The following RAB27A variants were observed in gnomAD, a reference collection of about 807,000 sequenced individuals.
The protein encoded by RAB27A is RAB27A, member RAS oncogene family.
RAB27A carries 17 observed loss-of-function variants against 20.8 expected under a neutral mutation model. The observed-to-expected ratio is 0.82, with a 90% confidence interval of 0.56 to 1.23. The LOEUF is 1.23. Ranked by LOEUF, RAB27A falls within the 50% of genes most tolerant of loss-of-function variation. RAB27A has a pLI of 0.00. For missense variants in RAB27A, 277 were observed against 266.7 expected (o/e 1.04, Z -0.27); for synonymous variants, 85 against 92.8 (o/e 0.92, Z 0.48).
intron 2 of RAB27A, among the ~76,000 whole-genome samples, chr15:55,241,027 G>A (rs1030392439): frequency 6.6e-6 from 1 of 152,184 alleles, no homozygotes; most frequent in Non-Finnish European, 1.5e-5. Flanking sequence ...CAGTGCACAG[G>A]ACATAGTAAG....
At chr15:55,252,357 A>G (rs1896921012) in intron 2 of RAB27A, among the ~76,000 whole-genome samples, 1 of 152,238 alleles carries the variant, frequency 6.6e-6, no homozygotes, top group Non-Finnish European at 1.5e-5. Flanking sequence ...TAATCCCAGC[A>G]CTTTGGCAGG....
chr15:55,291,519 A>G (rs1898309956), upstream of RAB27A, among the ~76,000 whole-genome samples: 1 of 111,754 alleles, frequency 8.9e-6, no homozygotes, highest in South Asian at 2.3e-4. Flanking sequence ...TCAAAAAAAA[A>G]AAAAAAAAAA....
chr15:55,230,979 C>G (rs575430238), intron 3 of RAB27A, among the ~76,000 whole-genome samples: 4 of 152,166 alleles, frequency 2.6e-5, no homozygotes, highest in Admixed American at 6.5e-5. Flanking sequence ...TCCCTTCCCC[C>G]TTTTGGAGTC....
chr15:55,217,489 G>A (rs1305977419), intron 6 of RAB27A, among the ~76,000 whole-genome samples: 2 of 143,122 alleles, frequency 1.4e-5, no homozygotes, highest in South Asian at 2.3e-4. Flanking sequence ...GTGAAACCTC[G>A]TCTTTACTAA....
chr15:55,311,393 C>G (rs763402127), intron 2 of RAB27A, among the ~76,000 whole-genome samples: 3 of 152,134 alleles, frequency 2.0e-5, no homozygotes, highest in Non-Finnish European at 4.4e-5. Flanking sequence ...TTGGAGTGGG[C>G]ATAATCGGGG....
intron 3 of RAB27A, among the ~76,000 whole-genome samples, chr15:55,230,890 G>A (rs1896006272): frequency 6.6e-6 from 1 of 151,922 alleles, no homozygotes; most frequent in South Asian, 2.1e-4. Context: ...CATAATGCTG[G>A]GGTTTGAGCA....
At chr15:55,252,144 T>C (rs1309479137) in intron 2 of RAB27A, among the ~76,000 whole-genome samples, 1 of 151,928 alleles carries the variant, frequency 6.6e-6, no homozygotes, top group Non-Finnish European at 1.5e-5. Context: ...ATTCCAAGAA[T>C]TCAAGAGGAC....
intron 2 of RAB27A, among the ~76,000 whole-genome samples, chr15:55,245,381 C>T (rs541046724): frequency 2.0e-5 from 3 of 152,144 alleles, no homozygotes; most frequent in South Asian, 2.1e-4. Context: ...AAATCTCAGG[C>T]GGAGAGAAGT....
At chr15:55,275,378 G>A (rs1897835266) in intron 1 of RAB27A, among the ~76,000 whole-genome samples, 1 of 152,174 alleles carries the variant, frequency 6.6e-6, no homozygotes, top group African/African-American at 2.4e-5. Flanking sequence ...TATAATCCCA[G>A]CAGTTTGGGA....
intron 2 of RAB27A, among the ~76,000 whole-genome samples, chr15:55,306,553 G>C (rs973736024): frequency 1.3e-5 from 2 of 152,088 alleles, no homozygotes; most frequent in African/African-American, 4.8e-5. Context: ...TACCAGTATG[G>C]GTGAACTAAG....
At chr15:55,310,963 C>T (rs1289400381) in intron 2 of RAB27A, among the ~76,000 whole-genome samples, 1 of 152,176 alleles carries the variant, frequency 6.6e-6, no homozygotes, top group Non-Finnish European at 1.5e-5. Context: ...TCATAGGCTT[C>T]TTCCTAGTTT....
intron 2 of RAB27A, among the ~76,000 whole-genome samples, chr15:55,255,292 G>A (rs1465329116): frequency 6.6e-6 from 1 of 152,064 alleles, no homozygotes; most frequent in Non-Finnish European, 1.5e-5. Context: ...ATCCTCCTCG[G>A]GGTATTCCTT....
At chr15:55,251,629 G>GAAAT (rs989936262) in intron 2 of RAB27A, among the ~76,000 whole-genome samples, 3 of 152,166 alleles carry the variant, frequency 2.0e-5, no homozygotes, top group African/African-American at 7.2e-5. Flanking sequence ...AGAACACAAT[G>GAAAT]AAATGTTGGT....
At chr15:55,303,936 C>T (rs1244722768) in intron 2 of RAB27A, among the ~76,000 whole-genome samples, 6,283 of 147,254 alleles carry the variant, frequency 0.043, 202 homozygotes, top group Non-Finnish European at 0.062. Context: ...GCCCCTCTGC[C>T]CGGCCACCAC....
intron 2 of RAB27A, among the ~76,000 whole-genome samples, chr15:55,250,837 C>G (rs1310725412): frequency 6.6e-6 from 1 of 152,194 alleles, no homozygotes; most frequent in East Asian, 1.9e-4. Context: ...GAAAACTGCT[C>G]TGGCCCAGCT....
intron 1 of RAB27A, chr15:55,317,631 A>C (rs1386566233): frequency 7.5e-6 from 3 of 398,036 alleles, no homozygotes; most frequent in Admixed American, 4.4e-5. Flanking sequence ...TGTAGTATTA[A>C]CTTTTCTTCT....
At chr15:55,211,704 G>A (rs1436694086) in intron 6 of RAB27A, among the ~76,000 whole-genome samples, 1 of 152,152 alleles carries the variant, frequency 6.6e-6, no homozygotes, top group East Asian at 1.9e-4. Context: ...GTGGCAAGAA[G>A]GCCCAGAAAA....
At chr15:55,312,223 C>G (rs1179226584) in intron 2 of RAB27A, among the ~76,000 whole-genome samples, 1 of 152,140 alleles carries the variant, frequency 6.6e-6, no homozygotes, top group East Asian at 1.9e-4. Context: ...AAGTCAGCGG[C>G]GGGTCTGCGA....
In RAB27A at chr15:55,203,579, C is replaced by A. The variant is rs1422930837; in HGVS notation, c.*1928G>T. The A allele has an allele frequency of 5.5e-5, 6 of 108,538 alleles. No homozygotes were observed. Among genetic ancestry groups the A allele is most frequent in the African/African-American group, 3.1e-4 (6 of 19,646 alleles). The allele number at this position is 108,538 out of a possible 1,614,324, so 6.7% of individuals were successfully genotyped here. On this transcript the variant is annotated 3_prime_UTR_variant, in exon 7 of 7. Transcript: ENST00000336787. ...ACAGGTGCCCACCACCACGCCCAGC[C>A]CATTTTTTTTTTTTTTTTTTTTTTA... is the stretch of plus-strand genomic sequence containing the variant.
Sources: allele counts gnomAD v4.1 joint callset (sites outside exome capture counted in the v4.1 genomes callset), GRCh38; gene constraint gnomAD v4.1.1; transcripts MANE v1.5; gene names NCBI Gene and HGNC (gene_info 2026-07-23, HGNC 2026-07-21).